UPRT: variants seen among roughly 807,000 people sequenced by gnomAD.
UPRT encodes the protein uracil phosphoribosyltransferase homolog, also known as RP11-311P8.3.
UPRT carries 5 observed loss-of-function variants against 22.6 expected under a neutral mutation model. The observed-to-expected ratio is 0.22, with a 90% CI of 0.12 to 0.47. The LOEUF is 0.47. Among genes scored for constraint, UPRT ranks in the 20% least tolerant of loss-of-function variants. UPRT has a pLI of 0.99. For synonymous variants in UPRT, 77 were observed against 87.7 expected, an observed-to-expected ratio of 0.88 and a Z score of 0.68; for missense variants, 181 against 239.9, an observed-to-expected ratio of 0.75 and a Z score of 1.62.
chrX:75,297,936 T>G (rs2082731508), intron 4 of UPRT: 1 of 146,266 alleles, frequency 6.8e-6, no homozygotes, highest in Admixed American at 8.6e-5. Context: ...ATATTTCTTC[T>G]GTTTTTATTT....
intron 4 of UPRT, among the ~76,000 whole-genome samples, chrX:75,188,608 G>A (rs1276941581): frequency 2.7e-5 from 3 of 112,481 alleles, no homozygotes; most frequent in East Asian, 5.6e-4. Flanking sequence ...AATGGCGGGC[G>A]CCCCTCCCCG....
intron 4 of UPRT, among the ~76,000 whole-genome samples, chrX:75,246,877 G>T (rs1298095785): frequency 4.5e-5 from 5 of 111,658 alleles, no homozygotes; most frequent in Non-Finnish European, 3.8e-5. Context: ...TTTTTCATGT[G>T]TCTGTTGGCT....
intron 4 of UPRT, among the ~76,000 whole-genome samples, chrX:75,221,442 G>A (rs1194849473): frequency 9.0e-6 from 1 of 110,897 alleles, no homozygotes; most frequent in Non-Finnish European, 1.9e-5. Flanking sequence ...TCTTGTTTAA[G>A]GCTGATAGCT....
At chrX:75,262,707 C>T (rs915741812) in intron 4 of UPRT, among the ~76,000 whole-genome samples, 3 of 111,480 alleles carry the variant, frequency 2.7e-5, no homozygotes, top group African/African-American at 9.8e-5. Context: ...AGAGACAGAG[C>T]AGGGCATTAC....
chrX:75,233,852 C>T (rs374793832), intron 4 of UPRT, among the ~76,000 whole-genome samples: 3 of 110,544 alleles, frequency 2.7e-5, no homozygotes, highest in East Asian at 2.8e-4. Context: ...TAAAGACCAT[C>T]GAGACTAGGA....
intron 4 of UPRT, among the ~76,000 whole-genome samples, chrX:75,173,838 C>T (rs975915767): frequency 5.4e-5 from 6 of 112,051 alleles, no homozygotes; most frequent in African/African-American, 1.3e-4. Context: ...GCCACTGGCC[C>T]GGGTGCTAAG....
intron 4 of UPRT, among the ~76,000 whole-genome samples, chrX:75,234,037 A>G (rs1366614663): frequency 1.8e-5 from 2 of 110,984 alleles, no homozygotes; most frequent in Admixed American, 1.9e-4. Context: ...TATTCAGGAA[A>G]CCCATCTCAC....
intron 4 of UPRT, among the ~76,000 whole-genome samples, chrX:75,177,061 C>G (rs2082249391): frequency 9.0e-6 from 1 of 111,326 alleles, no homozygotes; most frequent in African/African-American, 3.3e-5. Flanking sequence ...CAAAACCGCC[C>G]ATGGTTTTGG....
chrX:75,157,673 T>G (rs1443738522), intron 1 of UPRT, among the ~76,000 whole-genome samples: 1 of 111,956 alleles, frequency 8.9e-6, no homozygotes, highest in Non-Finnish European at 1.9e-5. Context: ...GTGAGAAGGT[T>G]GGATTGGACG....
At chrX:75,166,204 T>A (rs1436887555) in intron 3 of UPRT, among the ~76,000 whole-genome samples, 1 of 112,029 alleles carries the variant, frequency 8.9e-6, no homozygotes, top group Non-Finnish European at 1.9e-5. Context: ...TATATGATAA[T>A]TAAAATCAAC....
At chrX:75,247,405 T>C (rs1440801024) in intron 4 of UPRT, among the ~76,000 whole-genome samples, 4 of 110,404 alleles carry the variant, frequency 3.6e-5, no homozygotes, top group African/African-American at 1.3e-4. Context: ...TTCCAATGGG[T>C]TTAACAAACG....
chrX:75,248,621 T>C (rs1321121268), intron 4 of UPRT, among the ~76,000 whole-genome samples: 1 of 111,835 alleles, frequency 8.9e-6, no homozygotes, highest in Non-Finnish European at 1.9e-5. Context: ...TGGAACCAAG[T>C]TGGAAAACAC....
intron 2 of UPRT, 77 bp from the exon 3 acceptor site, chrX:75,296,265 C>T: frequency 5.0e-6 from 5 of 1,008,758 alleles, no homozygotes; most frequent in Non-Finnish European, 7.0e-6. Context: ...ACTCTGCCTA[C>T]TGTTCAGCTC....
chrX:75,247,797 G>A (rs766692800), intron 4 of UPRT, among the ~76,000 whole-genome samples: 4 of 112,177 alleles, frequency 3.6e-5, no homozygotes, highest in South Asian at 3.7e-4. Flanking sequence ...TCTGACCCCC[G>A]AGTAGCCTAA....
chrX:75,189,898 A>T (rs1055768876), intron 4 of UPRT, among the ~76,000 whole-genome samples: 1 of 112,025 alleles, frequency 8.9e-6, no homozygotes, highest in East Asian at 2.8e-4. Context: ...CATCTCCTGC[A>T]TATAGCACTC....
intron 4 of UPRT, among the ~76,000 whole-genome samples, chrX:75,235,282 G>T (rs1025311166): frequency 1.2e-4 from 13 of 111,689 alleles, no homozygotes; most frequent in African/African-American, 4.2e-4. Context: ...CTCTGACATT[G>T]AGGCAATAAT....
rs192673149 is a variant in UPRT at position 75,247,197 on chromosome X, G to A, written c.-446-43827G>A. 4.5e-3 allele frequency among the ~76,000 whole-genome samples: 500 copies of A among 111,397 alleles called. 1 individual carries two copies. Among genetic ancestry groups the A allele is most frequent in the African/African-American group, 0.016 (481 of 30,646 alleles). ...TTTCTGCATTTCCAACTGAGGTTCC[G>A]GGTTCATCTCACTGGGGAGTGCCAG... On this transcript the variant is annotated intron_variant, in intron 4 of 13. Coordinates refer to the UPRT transcript ENST00000652605.
intron 4 of UPRT, among the ~76,000 whole-genome samples, chrX:75,230,942 A>G (rs2082436462): frequency 8.9e-6 from 1 of 112,055 alleles, no homozygotes; most frequent in Admixed American, 9.5e-5. Context: ...GGACAAAATA[A>G]TCTGAACGGC....
At chrX:75,240,135 T>C (rs1401960043) in intron 4 of UPRT, among the ~76,000 whole-genome samples, 2 of 111,272 alleles carry the variant, frequency 1.8e-5, no homozygotes, top group East Asian at 2.8e-4. Flanking sequence ...GGTATCCACA[T>C]TGGTAATGAG....
Sources: allele counts gnomAD v4.1 joint callset (sites outside exome capture counted in the v4.1 genomes callset), GRCh38; gene constraint gnomAD v4.1.1; transcripts MANE v1.5; gene names NCBI Gene and HGNC (gene_info 2026-07-23, HGNC 2026-07-21).